Variants in FANK1 observed in about 807,000 individuals in gnomAD.
FANK1 encodes fibronectin type III and ankyrin repeat domains 1.
FANK1 carries 44 observed loss-of-function variants against 45.3 expected under a neutral mutation model. That is an observed-to-expected ratio of 0.97 (90% CI 0.76 to 1.25). The LOEUF (loss-of-function observed/expected upper bound fraction) is 1.25. FANK1 is among the 50% of genes most tolerant of loss of function. The pLI is 0.00. For missense variants in FANK1, 391 were observed against 424.4 expected (o/e 0.92, Z 0.69); for synonymous variants, 149 against 152.5 (o/e 0.98, Z 0.17).
intron 1 of FANK1, among the ~76,000 whole-genome samples, chr10:125,935,370 T>C (rs1331045866): frequency 6.6e-6 from 1 of 152,198 alleles, no homozygotes; most frequent in Non-Finnish European, 1.5e-5. Context: ...ACATATTTAC[T>C]TGATGAATGA....
At position 125,969,765 on chromosome 10, in the gene FANK1, A is replaced by C. The variant is rs1208636090; in HGVS notation, c.14-10396A>C. Among the ~76,000 whole-genome samples, 9 of 152,094 alleles carry C rather than the reference A, an allele frequency of 5.9e-5. No individual in the cohort carries two copies. The East Asian group carries it at 1.4e-3, about 23-fold the overall frequency. On this transcript the variant is annotated intron_variant, in intron 1 of 10. Transcript: ENST00000368693. ...GGTCTCTGGTTTTCCTAGGCAGAGG[A>C]CCCTGTGGCCTTCCCCAGTGTTTGT...
At chr10:125,959,423 A>C (rs1332021124) in intron 1 of FANK1, among the ~76,000 whole-genome samples, 1 of 151,216 alleles carries the variant, frequency 6.6e-6, no homozygotes, top group African/African-American at 2.4e-5. Context: ...CAAAAAAAAA[A>C]AAAAAAAAAA....
chr10:125,973,501 T>A, intron 1 of FANK1: 7 of 979,874 alleles, frequency 7.1e-6, no homozygotes, highest in Non-Finnish European at 8.5e-6. Flanking sequence ...AAGAGGTCAG[T>A]GTCTGGTTCA....
chr10:125,977,182 G>A (rs1174020371), intron 1 of FANK1, among the ~76,000 whole-genome samples: 2 of 152,160 alleles, frequency 1.3e-5, no homozygotes, highest in Non-Finnish European at 2.9e-5. Context: ...GGCCATCTGA[G>A]TGTTATCAGA....
At chr10:125,981,726 T>A (rs1187980096) in intron 2 of FANK1, among the ~76,000 whole-genome samples, 2 of 152,070 alleles carry the variant, frequency 1.3e-5, no homozygotes, top group Non-Finnish European at 2.9e-5. Context: ...TTTTCCCATT[T>A]CTCCCCTATG....
At chr10:126,002,050 C>A (rs189034182) in intron 6 of FANK1, among the ~76,000 whole-genome samples, 2 of 151,858 alleles carry the variant, frequency 1.3e-5, no homozygotes, top group South Asian at 4.1e-4. Flanking sequence ...TGGTGGCTCA[C>A]GCCTGTAATC....
intron 2 of FANK1, among the ~76,000 whole-genome samples, chr10:125,986,834 T>C (rs1305944614): frequency 6.6e-6 from 1 of 152,172 alleles, no homozygotes; most frequent in Non-Finnish European, 1.5e-5. Context: ...TGGATGAATT[T>C]GGCGGAAGGA....
intron 6 of FANK1, among the ~76,000 whole-genome samples, chr10:126,003,040 G>A (rs1183331861): frequency 3.3e-5 from 5 of 151,630 alleles, no homozygotes; most frequent in African/African-American, 1.2e-4. Context: ...GGGGTGAGAC[G>A]TTCCCACATT....
In FANK1 at chr10:125,992,537, G is replaced by C. The variant is rs528359992; in HGVS notation, c.317-2880G>C. 6.6e-5 allele frequency among the ~76,000 whole-genome samples: 10 copies of C among 152,234 alleles called. 1 individual carries two copies. In the South Asian group the frequency reaches 1.9e-3, roughly 28 times the overall value. On this transcript the variant is annotated intron_variant, in intron 3 of 10. Coordinates refer to ENST00000368693, the MANE Select transcript of FANK1 (RefSeq NM_145235.5). ...CTTTGTTCTCAGAGTAAGCTGTGAA[G>C]TGCTCTTTACCTCCCGTGGAAGCTG... is the stretch of plus-strand genomic sequence containing the variant.
At chr10:125,906,200 G>T (rs191849306) in intron 1 of FANK1, among the ~76,000 whole-genome samples, 288 of 152,056 alleles carry the variant, frequency 1.9e-3, no homozygotes, top group African/African-American at 6.6e-3. Flanking sequence ...CATTTGTAAA[G>T]ATCTCCCAGG....
At chr10:125,915,123 T>C (rs1231362332) in intron 1 of FANK1, among the ~76,000 whole-genome samples, 1 of 152,186 alleles carries the variant, frequency 6.6e-6, no homozygotes, top group African/African-American at 2.4e-5. Flanking sequence ...GTGTTGTGCA[T>C]TTCTGTCAAA....
intron 1 of FANK1, among the ~76,000 whole-genome samples, chr10:125,898,772 G>T (rs1401662368): frequency 6.6e-6 from 1 of 152,028 alleles, no homozygotes; most frequent in South Asian, 2.1e-4. Flanking sequence ...ATTGGATTTT[G>T]AGGTGGAAAA....
chr10:125,917,944 T>G (rs1229462906), intron 1 of FANK1, among the ~76,000 whole-genome samples: 1 of 152,360 alleles, frequency 6.6e-6, no homozygotes, highest in South Asian at 2.1e-4. Context: ...TCAGGTGTGG[T>G]GGAACATACC....
intron 1 of FANK1, among the ~76,000 whole-genome samples, chr10:125,940,073 T>A (rs753100404): frequency 1.3e-5 from 2 of 152,062 alleles, no homozygotes; most frequent in Non-Finnish European, 2.9e-5. Context: ...TTTTGGAAGA[T>A]ATGTCAGTGA....
chr10:125,945,657 G>A (rs987519434), intron 1 of FANK1, among the ~76,000 whole-genome samples: 4 of 152,178 alleles, frequency 2.6e-5, no homozygotes, highest in East Asian at 1.9e-4. Context: ...ACTGCAAGGC[G>A]GCAGCGAGGC....
intron 1 of FANK1, among the ~76,000 whole-genome samples, chr10:125,903,654 A>AC (rs1356885311): frequency 1.3e-5 from 2 of 151,400 alleles, no homozygotes; most frequent in East Asian, 1.9e-4. Context: ...ACATGTCGAG[A>AC]CCCCATCTCT....
At chr10:125,971,529 T>G (rs1564927189) in intron 1 of FANK1, among the ~76,000 whole-genome samples, 1 of 152,046 alleles carries the variant, frequency 6.6e-6, no homozygotes, top group Non-Finnish European at 1.5e-5. Flanking sequence ...TTTAAAAATT[T>G]CCTTGGGGTT....
At position 125,953,894 on chromosome 10, in the gene FANK1, C is replaced by G. The variant is rs962135546; in HGVS notation, c.14-26267C>G. On this transcript the variant is annotated intron_variant, in intron 1 of 10. Transcript: ENST00000368693. The stretch of plus-strand genomic sequence containing the variant: ...GGCTGCTGTGAGTCTTGGATGAAAT[C>G]TTTTGGAAGTAAAGCTCAGAGTCGC... Among the ~76,000 whole-genome samples the G allele has an allele frequency of 2.6e-5, 4 of 152,240 alleles. No individual in the cohort carries two copies. The South Asian group carries it at 8.3e-4, about 32-fold the overall frequency.
chr10:125,927,147 AC>A (rs1947405166), intron 1 of FANK1, among the ~76,000 whole-genome samples: 1 of 152,006 alleles, frequency 6.6e-6, no homozygotes, highest in Non-Finnish European at 1.5e-5. Context: ...TTGCTCTGTC[AC>A]CCCAGCTGGA....
Sources: allele counts gnomAD v4.1 joint callset (sites outside exome capture counted in the v4.1 genomes callset), GRCh38; gene constraint gnomAD v4.1.1; transcripts MANE v1.5; gene names NCBI Gene and HGNC (gene_info 2026-07-23, HGNC 2026-07-21).